Variants in KCNAB1 observed in about 807,000 individuals in gnomAD.
KCNAB1 encodes potassium voltage-gated channel subfamily A regulatory beta subunit 1.
A neutral mutation model predicts 64.6 loss-of-function variants in KCNAB1; 35 were observed. The observed-to-expected ratio is 0.54, with a 90% CI of 0.41 to 0.72. KCNAB1 has a LOEUF of 0.72. KCNAB1 is among the 30% of genes least tolerant of loss of function. The pLI is 0.00. For synonymous variants in KCNAB1, 177 were observed against 183.8 expected, an observed-to-expected ratio of 0.96 and a Z score of 0.30; for missense variants, 401 against 512.9, an observed-to-expected ratio of 0.78 and a Z score of 2.11.
intron 4 of KCNAB1, among the ~76,000 whole-genome samples, chr3:156,458,174 C>G (rs760011473): frequency 3.9e-5 from 6 of 152,180 alleles, no homozygotes; most frequent in Non-Finnish European, 8.8e-5. Flanking sequence ...AAAGGAGTCA[C>G]ATCCAACTGC....
chr3:156,346,667 A>G (rs1267141076), intron 1 of KCNAB1, among the ~76,000 whole-genome samples: 2 of 152,244 alleles, frequency 1.3e-5, no homozygotes, highest in African/African-American at 4.8e-5. Context: ...ATTAAATTAA[A>G]TAATATGCAT....
intron 1 of KCNAB1, among the ~76,000 whole-genome samples, chr3:156,217,601 G>A (rs577915858): frequency 1.3e-5 from 2 of 152,348 alleles, no homozygotes; most frequent in Admixed American, 6.5e-5. Context: ...TTCCAGGGAT[G>A]TAGAGACTAT....
intron 1 of KCNAB1, among the ~76,000 whole-genome samples, chr3:156,416,665 C>A (rs2108218396): frequency 6.6e-6 from 1 of 152,306 alleles, no homozygotes; most frequent in African/African-American, 2.4e-5. Flanking sequence ...TGCACGAGAG[C>A]AGCAACTATC....
At chr3:156,218,245 C>T (rs528575492) in intron 1 of KCNAB1, among the ~76,000 whole-genome samples, 1 of 152,130 alleles carries the variant, frequency 6.6e-6, no homozygotes. Flanking sequence ...CCTGGTGACC[C>T]GTATGACTCA....
At chr3:156,293,862 C>A (rs1720616178) in intron 1 of KCNAB1, among the ~76,000 whole-genome samples, 1 of 152,234 alleles carries the variant, frequency 6.6e-6, no homozygotes, top group Non-Finnish European at 1.5e-5. Context: ...GCATGCACTT[C>A]AGCTACTGAG....
At chr3:156,459,309 A>G (rs1167914300) in intron 4 of KCNAB1, among the ~76,000 whole-genome samples, 1 of 152,132 alleles carries the variant, frequency 6.6e-6, no homozygotes, top group Non-Finnish European at 1.5e-5. Flanking sequence ...TCCTATGACA[A>G]AGTTTGTCAC....
intron 1 of KCNAB1, among the ~76,000 whole-genome samples, chr3:156,401,621 C>T (rs1218190728): frequency 1.3e-5 from 2 of 152,198 alleles, no homozygotes; most frequent in Admixed American, 1.3e-4. Flanking sequence ...ACAATTAGAA[C>T]TCAATTTCCT....
At chr3:156,530,693 G>A (rs1300625132) in intron 12 of KCNAB1, among the ~76,000 whole-genome samples, 1 of 152,194 alleles carries the variant, frequency 6.6e-6, no homozygotes, top group East Asian at 1.9e-4. Flanking sequence ...GGGTTCATAA[G>A]AGAGTAATTT....
chr3:156,250,791 A>C (rs542365202), intron 1 of KCNAB1, among the ~76,000 whole-genome samples: 1 of 152,322 alleles, frequency 6.6e-6, no homozygotes, highest in East Asian at 1.9e-4. Context: ...AAGAGTGACA[A>C]AGGTCATAGT....
At chr3:156,324,454 A>G (rs1416953544) in intron 1 of KCNAB1, among the ~76,000 whole-genome samples, 10 of 152,130 alleles carry the variant, frequency 6.6e-5, no homozygotes, top group Non-Finnish European at 1.5e-5. Flanking sequence ...AATCGGTGCC[A>G]TTTTAGTGAT....
At chr3:156,331,366 T>C (rs559146478) in intron 1 of KCNAB1, among the ~76,000 whole-genome samples, 4 of 152,262 alleles carry the variant, frequency 2.6e-5, no homozygotes, top group African/African-American at 7.2e-5. Flanking sequence ...TGCAGATCAG[T>C]GGTACCGAAT....
chr3:156,535,091 A>T (rs1718964577), intron 13 of KCNAB1, among the ~76,000 whole-genome samples: 1 of 152,174 alleles, frequency 6.6e-6, no homozygotes, highest in African/African-American at 2.4e-5. Flanking sequence ...ATAACACATT[A>T]GCTGTTTGGA....
At chr3:156,464,875 T>C (rs1358910883) in intron 6 of KCNAB1, among the ~76,000 whole-genome samples, 1 of 152,158 alleles carries the variant, frequency 6.6e-6, no homozygotes, top group Non-Finnish European at 1.5e-5. Flanking sequence ...AATGAGACAG[T>C]CTGCAAGAAC....
chr3:156,167,249 G>A (rs1711640445), intron 1 of KCNAB1, among the ~76,000 whole-genome samples: 1 of 152,160 alleles, frequency 6.6e-6, no homozygotes, highest in Non-Finnish European at 1.5e-5. Context: ...GGATGTGTGG[G>A]CTGGCATGTC....
chr3:156,504,153 A>G (rs1181849533), intron 8 of KCNAB1, among the ~76,000 whole-genome samples: 1 of 152,190 alleles, frequency 6.6e-6, no homozygotes, highest in Non-Finnish European at 1.5e-5. Context: ...GAGTGAGATA[A>G]ATATGAGTAT....
chr3:156,480,988 A>G (rs1714756048), intron 8 of KCNAB1, among the ~76,000 whole-genome samples: 1 of 152,136 alleles, frequency 6.6e-6, no homozygotes, highest in South Asian at 2.1e-4. Flanking sequence ...CCTCTACTTG[A>G]AAACCCATCT....
At chr3:156,265,087 G>T (rs967272017) in intron 1 of KCNAB1, among the ~76,000 whole-genome samples, 5 of 152,130 alleles carry the variant, frequency 3.3e-5, no homozygotes, top group Non-Finnish European at 7.4e-5. Context: ...CTGAGTTCCA[G>T]TTGAATTTTG....
chr3:156,201,850 G>T (rs184412581), intron 1 of KCNAB1, among the ~76,000 whole-genome samples: 1 of 152,308 alleles, frequency 6.6e-6, no homozygotes, highest in Non-Finnish European at 1.5e-5. Flanking sequence ...GCATGTCCAT[G>T]AGGGCTGCTT....
intron 4 of KCNAB1, among the ~76,000 whole-genome samples, chr3:156,458,921 C>G (rs906231218): frequency 2.0e-5 from 3 of 152,150 alleles, no homozygotes; most frequent in African/African-American, 7.2e-5. Flanking sequence ...AAAGCAACAC[C>G]AATGTAAGAC....
Sources: gnomAD v4.1 joint callset for allele counts (sites outside exome capture counted in the v4.1 genomes callset) on GRCh38, gnomAD v4.1.1 for gene constraint, MANE v1.5 for transcripts, NCBI Gene and HGNC (gene_info 2026-07-23, HGNC 2026-07-21) for gene names.